Variants in GPR107 observed in about 807,000 individuals in gnomAD.
The protein encoded by GPR107 is G protein-coupled receptor 107.
In GPR107, 31 loss-of-function variants were observed where a neutral mutation model predicts 75.5. The observed-to-expected ratio is 0.41, with a 90% CI of 0.31 to 0.55. The LOEUF is 0.55. Among genes scored for constraint, GPR107 ranks in the 20% least tolerant of loss-of-function variants. The probability of loss-of-function intolerance (pLI) is 0.26; values close to 1 mark genes in which losing one functional copy is unlikely to be tolerated. For missense variants in GPR107, 572 were observed against 665.7 expected (o/e 0.86, Z 1.55); for synonymous variants, 267 against 251.3 (o/e 1.06, Z -0.59).
intron 1 of GPR107, among the ~76,000 whole-genome samples, chr9:130,060,164 G>C (rs1829892895): frequency 6.6e-6 from 1 of 151,990 alleles, no homozygotes; most frequent in Non-Finnish European, 1.5e-5. Context: ...CCAGGTTCAA[G>C]CAATTCTCCT....
intron 17 of GPR107, 92 bp downstream of exon 17, chr9:130,128,853 T>C: frequency 8.3e-7 from 1 of 1,203,840 alleles, no homozygotes. Context: ...CTCTCAGCAT[T>C]TCGTGGCTGC....
rs771660214 is a variant in GPR107, at chr9:130,104,497, T to C, written c.1209T>C (p.Ser403=). ...GTTEYGLWKD[S]LFLVDLLCCG... ...CTGAATATGGCTTGTGGAAGGACTC[T>C]CTATTTCTGGTCGACCTGTTGTGTT... Residue 403 remains serine (S), a synonymous_variant, in exon 13 of 18, where the codon TCT becomes TCC. Coordinates refer to ENST00000347136, the MANE Select transcript of GPR107 (RefSeq NM_020960.5). The C allele has an allele frequency of 2.5e-6, 4 of 1,613,448 alleles. No individual in the cohort carries two copies. Among genetic ancestry groups the C allele is most frequent in the Non-Finnish European group, 2.5e-6 (3 of 1,179,480 alleles).
rs1564664382 is a variant in GPR107, at chr9:130,077,311, A to G, written c.319A>G (p.Asn107Asp). The G allele has an allele frequency of 2.0e-6, 3 of 1,533,024 alleles. No homozygotes were observed. The South Asian group carries it at 3.4e-5, about 17-fold the overall frequency. The allele number at this position is 1,533,024 out of a possible 1,614,324, so 95.0% of individuals were successfully genotyped here. A position where few individuals can be genotyped will look rare whatever the true frequency, so the allele number is the denominator to read the frequency against. ...GFSSYLDEDV[N>D]YCILKKQSVS... ...CTTCCTTTCTCAGGATGAAGATGTGAATTACTGTATTTTAAAGAAACAGTC... is the reference window on the plus strand; with the variant it reads ...CTTCCTTTCTCAGGATGAAGATGTGGATTACTGTATTTTAAAGAAACAGTC... The change falls in exon 4 of 18, where the codon AAT becomes GAT. Residue 107 changes from asparagine (N) to aspartate (D), a missense_variant. Transcript: ENST00000347136.
intron 1 of GPR107, among the ~76,000 whole-genome samples, chr9:130,065,007 A>G (rs1314372577): frequency 6.6e-6 from 1 of 152,150 alleles, no homozygotes; most frequent in Non-Finnish European, 1.5e-5. Flanking sequence ...TGTGGTTGTA[A>G]GCTACCCAGT....
chr9:130,114,049 T>C lies in GPR107; in HGVS notation c.1306+6510T>C, dbSNP rs868519878. ...TCATTCTTTTTTTTTTTTTTTTTTTTCATTTTTTTTTTTTAGAAAAGAGGT... is the reference window on the plus strand; with the variant it reads ...TCATTCTTTTTTTTTTTTTTTTTTTCCATTTTTTTTTTTTAGAAAAGAGGT... On this transcript the variant is annotated intron_variant, in intron 14 of 17. Transcript: ENST00000347136. Among the ~76,000 whole-genome samples the C allele has an allele frequency of 8.8e-3, 774 of 88,416 alleles. 7 individuals are homozygous for C. Among genetic ancestry groups the C allele is most frequent in the Middle Eastern group, 0.034 (5 of 148 alleles). The allele number at this position is 88,416 out of a possible 152,430, so 58.0% of individuals were successfully genotyped here. A position where few individuals can be genotyped will look rare whatever the true frequency, so the allele number is the denominator to read the frequency against.
intron 1 of GPR107, among the ~76,000 whole-genome samples, chr9:130,071,530 A>G (rs1209349640): frequency 2.0e-5 from 3 of 152,002 alleles, no homozygotes; most frequent in East Asian, 3.9e-4. Flanking sequence ...CTTCATCGCT[A>G]CCGTGGGGCT....
At chr9:130,085,754 A>ATTTTTTTTGTTTTTTTTTTTTTTTTTT (rs1830598689) in intron 6 of GPR107, among the ~76,000 whole-genome samples, 1 of 78,674 alleles carries the variant, frequency 1.3e-5, no homozygotes, top group African/African-American at 5.0e-5. Flanking sequence ...CAATATTTTG[A>ATTTTTTTTGTTTTTTTTTTTTTTTTTT]TTTTTTTTTT....
At chr9:130,122,945 G>C (rs1307707641) in intron 14 of GPR107, among the ~76,000 whole-genome samples, 2 of 152,202 alleles carry the variant, frequency 1.3e-5, no homozygotes, top group Non-Finnish European at 2.9e-5. Context: ...AGTGAGCTGT[G>C]ATCGTGCCAC....
intron 7 of GPR107, among the ~76,000 whole-genome samples, chr9:130,088,073 C>T (rs1197025880): frequency 2.0e-5 from 3 of 152,114 alleles, no homozygotes; most frequent in Non-Finnish European, 2.9e-5. Context: ...TAATAGCTAA[C>T]GGTTATTGAG....
chr9:130,130,884 A>AG (rs1322763814), intron 17 of GPR107, among the ~76,000 whole-genome samples: 3 of 150,986 alleles, frequency 2.0e-5, no homozygotes, highest in Non-Finnish European at 4.4e-5. Flanking sequence ...AAAGAAAAAA[A>AG]AAAAAAAAAC....
Position 130,103,191 on chromosome 9 carries a change from A to G in GPR107, c.1132-1229A>G, listed in dbSNP as rs1056942531. On this transcript the variant is annotated intron_variant, in intron 12 of 17. Transcript: ENST00000347136. The surrounding 1 kb of genome is among the most constrained non-coding windows in gnomAD (Gnocchi z 4.3). ...GGGAAGGACCCAGAAGCTGGGGGTC[A>G]TTGGAGAGGCTGAAATTTCAGATAA... 2.6e-5 allele frequency among the ~76,000 whole-genome samples: 4 copies of G among 152,170 alleles called. No homozygotes were observed. Among genetic ancestry groups the G allele is most frequent in the African/African-American group, 9.7e-5 (4 of 41,444 alleles).
intron 5 of GPR107, among the ~76,000 whole-genome samples, chr9:130,080,711 T>C (rs1395071942): frequency 2.0e-5 from 3 of 151,196 alleles, no homozygotes; most frequent in African/African-American, 7.2e-5. Flanking sequence ...TAGGATGGTC[T>C]CGATCTCCCG....
chr9:130,092,483 G>T (rs1010280785), intron 9 of GPR107, 102 bp downstream of exon 9: 4 of 947,532 alleles, frequency 4.2e-6, no homozygotes, highest in East Asian at 2.4e-5. Flanking sequence ...TAGCAGTGTT[G>T]TTCCTTTCAA....
At chr9:130,093,260 G>C (rs1830784500) in intron 9 of GPR107, among the ~76,000 whole-genome samples, 1 of 152,006 alleles carries the variant, frequency 6.6e-6, no homozygotes, top group Non-Finnish European at 1.5e-5. Flanking sequence ...TGGTTCTTGA[G>C]GGGAGCAGCT....
intron 17 of GPR107, among the ~76,000 whole-genome samples, chr9:130,130,211 G>T (rs183371293): frequency 9.9e-5 from 15 of 152,194 alleles, no homozygotes; most frequent in African/African-American, 3.6e-4. Context: ...ACCAGTTTTG[G>T]CAACAGAAGT....
chr9:130,092,449 C>CAGGT, intron 9 of GPR107, 68 bp downstream of exon 9: 5 of 1,348,652 alleles, frequency 3.7e-6, no homozygotes, highest in Non-Finnish European at 5.3e-6. Flanking sequence ...TTGTTGGCTC[C>CAGGT]TGAACCTGGA....
intron 1 of GPR107, among the ~76,000 whole-genome samples, chr9:130,065,457 A>G (rs1830046299): frequency 6.7e-6 from 1 of 149,048 alleles, no homozygotes; most frequent in South Asian, 2.2e-4. Flanking sequence ...ATAATAATAA[A>G]TAAAAACCCA....
At position 130,114,166 on chromosome 9, in the gene GPR107, C is replaced by T. The variant is rs1050072607; in HGVS notation, c.1306+6627C>T. ...AACGGATCAGTTGAGGTCAGGAGTT[C>T]GAGACCAGCCTGGCCAACATGGTAA... On this transcript the variant is annotated intron_variant, in intron 14 of 17. Coordinates refer to ENST00000347136, the MANE Select transcript of GPR107 (RefSeq NM_020960.5). 1.3e-4 allele frequency among the ~76,000 whole-genome samples: 20 copies of T among 149,576 alleles called. No individual in the cohort carries two copies. In the East Asian group the frequency reaches 2.8e-3, roughly 21 times the overall value.
chr9:130,080,901 C>T, intron 5 of GPR107, among the ~76,000 whole-genome samples: 1 of 151,644 alleles, frequency 6.6e-6, no homozygotes, highest in East Asian at 1.9e-4. Flanking sequence ...TCTGATGATT[C>T]ATGTGAGTTC....
Sources: gnomAD v4.1 joint callset for allele counts (sites outside exome capture counted in the v4.1 genomes callset) on GRCh38, gnomAD v4.1.1 for gene constraint, Gnocchi (gnomAD v3.1) non-coding constraint, MANE v1.5 for transcripts, NCBI Gene and HGNC (gene_info 2026-07-23, HGNC 2026-07-21) for gene names.